DTNB: variants seen among roughly 807,000 people sequenced by gnomAD.
DTNB encodes DTN-B.
DTNB carries 63 observed loss-of-function variants against 90.7 expected under a neutral mutation model. The ratio of observed to expected loss-of-function variants is 0.69; its 90% CI spans 0.57 to 0.86. The LOEUF (loss-of-function observed/expected upper bound fraction) is 0.86, where lower values mean the gene tolerates loss of function less well. DTNB is among the 40% of genes least tolerant of loss of function. The probability of loss-of-function intolerance (pLI) is 0.00; values close to 1 mark genes in which losing one functional copy is unlikely to be tolerated. For missense variants in DTNB, 744 were observed against 807.1 expected, an observed-to-expected ratio of 0.92 and a Z score of 0.95; for synonymous variants, 277 against 286.7, an observed-to-expected ratio of 0.97 and a Z score of 0.34.
chr2:25,475,453 G>C (rs940131823), intron 10 of DTNB, among the ~76,000 whole-genome samples: 6 of 152,258 alleles, frequency 3.9e-5, no homozygotes, highest in African/African-American at 7.2e-5. Context: ...ACAGAGGTTG[G>C]TTCATGAGGT....
At chr2:25,441,387 T>TA (rs780306939) in intron 12 of DTNB, among the ~76,000 whole-genome samples, 1 of 152,226 alleles carries the variant, frequency 6.6e-6, no homozygotes, top group Non-Finnish European at 1.5e-5. Flanking sequence ...TTCAACAACA[T>TA]AAAAAATATA....
chr2:25,633,376 G>A (rs899091372), intron 3 of DTNB, among the ~76,000 whole-genome samples: 4 of 152,126 alleles, frequency 2.6e-5, no homozygotes, highest in African/African-American at 9.7e-5. Context: ...GTGTTGGCCG[G>A]GCTGGTCTCC....
intron 16 of DTNB, among the ~76,000 whole-genome samples, chr2:25,415,827 C>G (rs2047776478): frequency 6.6e-6 from 1 of 152,174 alleles, no homozygotes; most frequent in African/African-American, 2.4e-5. Flanking sequence ...CTGGACCCTT[C>G]TGGAACTTGC....
rs1251637564 is a variant in DTNB at position 25,659,959 on chromosome 2, C to G, written c.-1-7298G>C. Among the ~76,000 whole-genome samples, 4 of 151,988 alleles carry G rather than the reference C, an allele frequency of 2.6e-5. No individual in the cohort carries two copies. The East Asian group carries it at 7.7e-4, about 29-fold the overall frequency. ...TCATTTTCACTGCAAAAGTCTTCAA[C>G]GAAATATTAGCAAATGAAGTCCATG... On this transcript the variant is annotated intron_variant, in intron 1 of 20. Transcript: ENST00000406818.
intron 15 of DTNB, 46 bp from the exon 16 acceptor site, chr2:25,419,581 G>T (rs1257857180): frequency 6.5e-7 from 1 of 1,549,706 alleles, no homozygotes; most frequent in Non-Finnish European, 8.7e-7. Context: ...AAAAAGGAGA[G>T]AAATTAATGC....
intron 9 of DTNB, among the ~76,000 whole-genome samples, chr2:25,489,347 C>T (rs539306704): frequency 6.6e-6 from 1 of 152,118 alleles, no homozygotes; most frequent in East Asian, 1.9e-4. Flanking sequence ...ACTGTGCTAG[C>T]TTCTGGGAAT....
intron 16 of DTNB, among the ~76,000 whole-genome samples, chr2:25,395,728 A>G (rs2042204946): frequency 6.6e-6 from 1 of 152,182 alleles, no homozygotes; most frequent in South Asian, 2.1e-4. Flanking sequence ...CATGTAATTG[A>G]TAAAGGTACT....
intron 12 of DTNB, among the ~76,000 whole-genome samples, chr2:25,448,268 A>G (rs1047342574): frequency 1.3e-5 from 2 of 152,210 alleles, no homozygotes; most frequent in Non-Finnish European, 2.9e-5. Context: ...TCATTTGTCC[A>G]CCATAGTATC....
intron 8 of DTNB, among the ~76,000 whole-genome samples, chr2:25,542,835 T>C (rs1291366987): frequency 6.6e-6 from 1 of 152,202 alleles, no homozygotes. Flanking sequence ...TATCCTTGAT[T>C]TCCCAGAGAA....
chr2:25,467,744 T>A (rs1330406924), intron 10 of DTNB, among the ~76,000 whole-genome samples: 1 of 152,200 alleles, frequency 6.6e-6, no homozygotes, highest in Non-Finnish European at 1.5e-5. Flanking sequence ...TCTCTTCTTT[T>A]TAACATCCTT....
chr2:25,646,434 T>C (rs1014207275), intron 2 of DTNB, among the ~76,000 whole-genome samples: 1 of 151,870 alleles, frequency 6.6e-6, no homozygotes, highest in East Asian at 1.9e-4. Flanking sequence ...ATCATGCCAT[T>C]GCACTCCAGC....
intron 5 of DTNB, among the ~76,000 whole-genome samples, chr2:25,602,246 A>G (rs1174456748): frequency 1.3e-5 from 2 of 152,160 alleles, no homozygotes; most frequent in African/African-American, 4.8e-5. Context: ...GCCAGGAACC[A>G]CCTGAGACAA....
chr2:25,430,296 T>C (rs1362918822), intron 14 of DTNB, among the ~76,000 whole-genome samples: 2 of 152,176 alleles, frequency 1.3e-5, no homozygotes, highest in Non-Finnish European at 2.9e-5. Flanking sequence ...GAAGGACTCA[T>C]TGTCTTCTAG....
At chr2:25,429,803 T>C (rs543456039) in intron 14 of DTNB, among the ~76,000 whole-genome samples, 247 of 152,300 alleles carry the variant, frequency 1.6e-3, no homozygotes, top group African/African-American at 5.4e-3. Context: ...CTTTCTAGAA[T>C]CTGATCTCAA....
At position 25,460,280 on chromosome 2, in the gene DTNB, T is replaced by C. The variant is rs146811683; in HGVS notation, c.1080-4786A>G. ...GGTCTGGTGGGGGATGATAGAGAAC[T>C]CAGTTTGGAACATGCTAATTATGAG... is the stretch of plus-strand genomic sequence containing the variant. On this transcript the variant is annotated intron_variant, in intron 10 of 20. Coordinates refer to ENST00000406818, the MANE Select transcript of DTNB (RefSeq NM_021907.5). Among the ~76,000 whole-genome samples, 1,137 of 152,126 alleles carry C rather than the reference T, an allele frequency of 7.5e-3. 10 individuals carry two copies. Among genetic ancestry groups the C allele is most frequent in the Middle Eastern group, 0.017 (5 of 294 alleles).
At chr2:25,646,026 A>G (rs898917814) in intron 2 of DTNB, among the ~76,000 whole-genome samples, 4 of 152,138 alleles carry the variant, frequency 2.6e-5, no homozygotes, top group African/African-American at 4.8e-5. Flanking sequence ...AAATAACTCT[A>G]AGGCCCCCCA....
At chr2:25,410,603 C>T (rs955971752) in intron 16 of DTNB, among the ~76,000 whole-genome samples, 1 of 152,074 alleles carries the variant, frequency 6.6e-6, no homozygotes, top group Non-Finnish European at 1.5e-5. Context: ...AAAAATAACT[C>T]GGGGAAGTCT....
chr2:25,628,997 G>A (rs758424655), intron 3 of DTNB, among the ~76,000 whole-genome samples: 1 of 151,958 alleles, frequency 6.6e-6, no homozygotes, highest in African/African-American at 2.4e-5. Context: ...GCGGTAGCTG[G>A]GTCTACACTC....
intron 5 of DTNB, among the ~76,000 whole-genome samples, chr2:25,599,918 A>C (rs990931375): frequency 6.1e-5 from 9 of 148,038 alleles, no homozygotes; most frequent in African/African-American, 1.7e-4. Flanking sequence ...GCAAGATAGC[A>C]GGACCTTGTC....
Sources: allele counts gnomAD v4.1 joint callset (sites outside exome capture counted in the v4.1 genomes callset), GRCh38; gene constraint gnomAD v4.1.1; transcripts MANE v1.5; gene names NCBI Gene and HGNC (gene_info 2026-07-23, HGNC 2026-07-21).